SLC36A3: variants seen among roughly 807,000 people sequenced by gnomAD.
The protein encoded by SLC36A3 is proton-coupled amino acid transporter 3.
SLC36A3 carries 35 observed loss-of-function variants against 44.3 expected under a neutral mutation model. The observed-to-expected ratio is 0.79, with a 90% CI of 0.60 to 1.05. The LOEUF (loss-of-function observed/expected upper bound fraction) is 1.05, where lower values mean the gene tolerates loss of function less well. Ranked by LOEUF, SLC36A3 falls within the 50% of genes least tolerant of loss-of-function variation. The pLI is 0.00. For synonymous variants in SLC36A3, 211 were observed against 227.6 expected, an observed-to-expected ratio of 0.93 and a Z score of 0.66; for missense variants, 540 against 578.7, an observed-to-expected ratio of 0.93 and a Z score of 0.69.
chr5:151,300,545 C>G (rs557730785), intron 1 of SLC36A3, among the ~76,000 whole-genome samples: 14 of 152,180 alleles, frequency 9.2e-5, no homozygotes, highest in African/African-American at 2.9e-4. Context: ...ACCCTCTGCT[C>G]TTTTTTCCTT....
At chr5:151,293,251 T>C in intron 4 of SLC36A3, 113 bp downstream of exon 4, 1 of 884,392 alleles carries the variant, frequency 1.1e-6, no homozygotes, top group Admixed American at 2.7e-5. Flanking sequence ...ATTCTCTCTA[T>C]TGTTTGATAG....
intron 7 of SLC36A3, 65 bp from the exon 8 acceptor site, chr5:151,284,275 A>ACCCC: frequency 1.3e-6 from 2 of 1,497,902 alleles, no homozygotes; most frequent in Non-Finnish European, 1.8e-6. Context: ...TGTGAAGGAG[A>ACCCC]GGGTTCCCGT....
At chr5:151,290,278 G>C (rs1754707823) in intron 4 of SLC36A3, among the ~76,000 whole-genome samples, 1 of 152,064 alleles carries the variant, frequency 6.6e-6, no homozygotes, top group South Asian at 2.1e-4. Flanking sequence ...TGTTGGTTGA[G>C]GCCTATGTTA....
chr5:151,281,091 A>T lies in SLC36A3; in HGVS notation c.1067T>A (p.Phe356Tyr), dbSNP rs753480760. The change falls in exon 9 of 10, where the codon TTT becomes TAT. Residue 356 changes from phenylalanine to tyrosine, a missense_variant. Transcript: ENST00000335230. ...GCTCTCTGACACTTGGGAGATGGCAAACGGGATGATGATCTCAGCTGGGAC... is the reference window on the plus strand; with the variant it reads ...GCTCTCTGACACTTGGGAGATGGCATACGGGATGATGATCTCAGCTGGGAC... ...FHVPAEIIIP[F>Y]AISQVSESWA... 6.2e-7 allele frequency: 1 copy of T among 1,614,200 alleles called. No homozygotes were observed. Among genetic ancestry groups the T allele is most frequent in the Non-Finnish European group, 8.5e-7 (1 of 1,180,026 alleles).
At chr5:151,296,537 T>G in intron 2 of SLC36A3, 1 of 502,848 alleles carries the variant, frequency 2.0e-6, no homozygotes, top group Non-Finnish European at 3.6e-6. Flanking sequence ...TTTCTCATTT[T>G]CCTTGAGTTC....
chr5:151,293,721 C>T (rs573377553), intron 3 of SLC36A3, among the ~76,000 whole-genome samples: 38 of 152,144 alleles, frequency 2.5e-4, no homozygotes, highest in African/African-American at 5.3e-4. Flanking sequence ...TGTGCATTGA[C>T]GTAGATCTGC....
At chr5:151,299,367 A>C (rs1358093927) in intron 1 of SLC36A3, among the ~76,000 whole-genome samples, 1 of 104,416 alleles carries the variant, frequency 9.6e-6, no homozygotes, top group Non-Finnish European at 1.8e-5. Flanking sequence ...TCAGATGAGC[A>C]TGGTGATATA....
At chr5:151,282,376 C>T (rs55949678) in intron 8 of SLC36A3, among the ~76,000 whole-genome samples, 3,989 of 152,146 alleles carry the variant, frequency 0.026, 171 homozygotes, top group African/African-American at 0.089. Flanking sequence ...CTATGTTGGT[C>T]TGGCTGGTCG....
intron 1 of SLC36A3, among the ~76,000 whole-genome samples, chr5:151,299,134 A>C (rs1020959862): frequency 6.6e-6 from 1 of 151,590 alleles, no homozygotes; most frequent in East Asian, 1.9e-4. Context: ...AGAAACAAAA[A>C]TCTACCATAT....
At chr5:151,277,711 C>A in intron 9 of SLC36A3, 50 bp from the exon 10 acceptor site, 2 of 1,578,106 alleles carry the variant, frequency 1.3e-6, no homozygotes, top group Admixed American at 1.8e-5. Context: ...CAGAAACAAG[C>A]CATTGCTTTG....
rs2127250038 is a variant in SLC36A3, at chr5:151,277,639, G to T, written c.1167C>A (p.Pro389=). Residue 389 remains proline, a synonymous_variant, in exon 10 of 10, where the codon CCC becomes CCA. Transcript: ENST00000335230. ...CLTCVSAILI[P]RLDLVISLVG... ...CCAGGGAGATGACCAAGTCCAGGCG[G>T]GGGATGAGGATGGCTGAGACACCTG... 6.2e-7 allele frequency: 1 copy of T among 1,614,104 alleles called. No individual in the cohort carries two copies. The highest frequency in any genetic ancestry group is 8.5e-7 in the Non-Finnish European group (1 of 1,180,002).
chr5:151,288,231 T>C (rs1754618222), intron 5 of SLC36A3, among the ~76,000 whole-genome samples, 155 bp downstream of exon 5: 1 of 152,204 alleles, frequency 6.6e-6, no homozygotes, highest in Non-Finnish European at 1.5e-5. Context: ...CAAAATGTGA[T>C]TCCCAGGACT....
chr5:151,277,455 G>C lies in SLC36A3; in HGVS notation c.1351C>G (p.Leu451Val). Residue 451 changes from leucine to valine, a missense_variant, in exon 10 of 10, where the codon CTC becomes GTC. By Grantham distance (32) the Leu-to-Val change is conservative. Transcript: ENST00000335230. ...CTGATGGGTTGGGGCAACTCATAGA[G>C]GGCTTGGTATGTCCCAAATATACAC... ...LGCIFGTYQA[L>V]YELPQPISHS... is the part of the protein sequence containing the mutation. 3 of 1,614,174 alleles carry C rather than the reference G, an allele frequency of 1.9e-6. No homozygotes were observed. The highest frequency in any genetic ancestry group is 1.7e-6 in the Non-Finnish European group (2 of 1,180,022).
At chr5:151,281,255 C>G in intron 8 of SLC36A3, 72 bp from the exon 9 acceptor site, 1 of 1,461,864 alleles carries the variant, frequency 6.8e-7, no homozygotes, top group Non-Finnish European at 9.3e-7. Context: ...TCACTTACTG[C>G]TCAGAAGCTG....
intron 1 of SLC36A3, among the ~76,000 whole-genome samples, chr5:151,301,155 A>G (rs1346877075): frequency 6.6e-6 from 1 of 152,234 alleles, no homozygotes; most frequent in African/African-American, 2.4e-5. Flanking sequence ...GTCCTTGTTT[A>G]TTCCTGGACA....
At position 151,277,668 on chromosome 5, in the gene SLC36A3, T is replaced by C; in HGVS notation, c.1145-7A>G. On this transcript the variant is annotated splice_polypyrimidine_tract_variant and splice_region_variant and intron_variant, in intron 9 of 9. Transcript: ENST00000335230. Reference sequence around the variant, plus strand: ...ATGAGGATGGCTGAGACACCTGCAATGAAAGGAGATATTTAGAATCACTGA... The same window carrying C: ...ATGAGGATGGCTGAGACACCTGCAACGAAAGGAGATATTTAGAATCACTGA... The C allele has an allele frequency of 1.2e-6, 2 of 1,612,944 alleles. No individual in the cohort carries two copies.
intron 1 of SLC36A3, among the ~76,000 whole-genome samples, chr5:151,300,640 G>A (rs543788688): frequency 1.3e-4 from 20 of 152,222 alleles, no homozygotes; most frequent in Admixed American, 8.5e-4. Flanking sequence ...ACAAGTTTTC[G>A]GAGGAACCAC....
chr5:151,277,754 C>G (rs1754150237), intron 9 of SLC36A3, 93 bp from the exon 10 acceptor site: 2 of 1,469,716 alleles, frequency 1.4e-6, no homozygotes, highest in African/African-American at 2.8e-5. Context: ...CCTGAGAGAC[C>G]ACTTTGGAGA....
intron 8 of SLC36A3, among the ~76,000 whole-genome samples, chr5:151,281,589 G>A (rs1253385242): frequency 6.6e-6 from 1 of 152,114 alleles, no homozygotes; most frequent in Admixed American, 6.5e-5. Context: ...AGGCCGAGGC[G>A]AGTGGATCAC....
Sources: gnomAD v4.1 joint callset for allele counts (sites outside exome capture counted in the v4.1 genomes callset) on GRCh38, gnomAD v4.1.1 for gene constraint, MANE v1.5 for transcripts, NCBI Gene and HGNC (gene_info 2026-07-23, HGNC 2026-07-21) for gene names.